The following SLC24A2 variants were observed in gnomAD, a reference collection of about 807,000 sequenced individuals.
SLC24A2 encodes the protein sodium/potassium/calcium exchanger 2.
A neutral mutation model predicts 62.0 loss-of-function variants in SLC24A2; 36 were observed. The ratio of observed to expected loss-of-function variants is 0.58; its 90% CI spans 0.44 to 0.77. The LOEUF (loss-of-function observed/expected upper bound fraction) is 0.77. Ranked by LOEUF, SLC24A2 falls within the 30% of genes least tolerant of loss-of-function variation. The pLI is 0.00. For synonymous variants in SLC24A2, 358 were observed against 294.0 expected (o/e 1.22, Z -2.23); for missense variants, 846 against 817.9 (o/e 1.03, Z -0.42).
the SLC24A2 span, among the ~76,000 whole-genome samples, chr9:20,266,624 T>C: frequency 3.9e-5 from 6 of 152,232 alleles, no homozygotes; most frequent in Admixed American, 2.0e-4. Flanking sequence ...TTATAAACAA[T>C]GGCATCCCAA....
At chr9:20,303,558 C>G in the SLC24A2 span, among the ~76,000 whole-genome samples, 1 of 152,144 alleles carries the variant, frequency 6.6e-6, no homozygotes, top group Non-Finnish European at 1.5e-5. Flanking sequence ...GCCCCCAGCC[C>G]ATACAGCCAG....
At chr9:20,183,814 G>C in the SLC24A2 span, among the ~76,000 whole-genome samples, 10 of 152,286 alleles carry the variant, frequency 6.6e-5, no homozygotes, top group African/African-American at 2.2e-4. Flanking sequence ...AGTAGCCCCA[G>C]ATTATAAGGT....
chr9:20,241,460 AT>A, the SLC24A2 span, among the ~76,000 whole-genome samples: 1 of 152,150 alleles, frequency 6.6e-6, no homozygotes, highest in East Asian at 1.9e-4. Context: ...TTTGAAGGTG[AT>A]TTTAATCCCT....
chr9:20,209,302 T>C, the SLC24A2 span, among the ~76,000 whole-genome samples: 1 of 152,338 alleles, frequency 6.6e-6, no homozygotes. Context: ...ATCACCCTGT[T>C]TTTAGTCTTC....
At position 19,636,315 on chromosome 9, in the gene SLC24A2, T is replaced by TTTCTTTCTTTCTTTCTTTC. The variant is rs1554690361; in HGVS notation, c.931-14017_931-14016insGAAAGAAAGAAAGAAAGAA. ...TTTTCTTTTCTTTTCTTTTCTTTTC[T>TTTCTTTCTTTCTTTCTTTC]TTTCTTTCTTTCTTTCTTTCTTTCT... On this transcript the variant is annotated intron_variant, in intron 2 of 10. Transcript: ENST00000341998. Among the ~76,000 whole-genome samples the TTTCTTTCTTTCTTTCTTTC allele has an allele frequency of 4.5e-4, 18 of 40,314 alleles. No individual in the cohort carries two copies. The East Asian group carries it at 6.8e-3, about 15-fold the overall frequency. 26.4% of individuals were successfully genotyped at this position (40,314 alleles called of 152,430 possible).
chr9:20,210,248 A>G, the SLC24A2 span, among the ~76,000 whole-genome samples: 3,131 of 152,288 alleles, frequency 0.021, 119 homozygotes, highest in African/African-American at 0.069. Context: ...GATGGCAGAG[A>G]AGCAGGTGGC....
At chr9:19,815,102 T>G in the SLC24A2 span, among the ~76,000 whole-genome samples, 2 of 152,152 alleles carry the variant, frequency 1.3e-5, no homozygotes, top group Non-Finnish European at 2.9e-5. Flanking sequence ...CAGAGAGAAC[T>G]TTCCTATTAA....
chr9:19,998,212 G>T, the SLC24A2 span, among the ~76,000 whole-genome samples: 1 of 152,074 alleles, frequency 6.6e-6, no homozygotes, highest in Non-Finnish European at 1.5e-5. Flanking sequence ...GACATGGCAG[G>T]GCTAGGATTC....
chr9:19,872,286 C>T, the SLC24A2 span, among the ~76,000 whole-genome samples: 1 of 152,182 alleles, frequency 6.6e-6, no homozygotes, highest in Non-Finnish European at 1.5e-5. Flanking sequence ...AGGGAGGGGA[C>T]TCAAAGCCTT....
At chr9:20,196,430 C>A in the SLC24A2 span, among the ~76,000 whole-genome samples, 4 of 152,088 alleles carry the variant, frequency 2.6e-5, no homozygotes, top group African/African-American at 7.2e-5. Context: ...TTTTGCTGGC[C>A]CAACATATGT....
chr9:19,981,431 C>T, the SLC24A2 span, among the ~76,000 whole-genome samples: 12 of 152,176 alleles, frequency 7.9e-5, no homozygotes, highest in East Asian at 1.9e-4. Flanking sequence ...TAAGCAAACA[C>T]GGCAAAGCAT....
the SLC24A2 span, among the ~76,000 whole-genome samples, chr9:19,971,488 G>A: frequency 1.3e-5 from 2 of 152,200 alleles, no homozygotes; most frequent in Non-Finnish European, 2.9e-5. Flanking sequence ...GTATGGCCAA[G>A]CCACTTCCAG....
the SLC24A2 span, among the ~76,000 whole-genome samples, chr9:19,887,251 G>C: frequency 1.3e-5 from 2 of 152,038 alleles, no homozygotes. Flanking sequence ...CTTTTTAATG[G>C]GGTTGCCTTT....
the SLC24A2 span, among the ~76,000 whole-genome samples, chr9:20,048,062 A>C: frequency 6.6e-6 from 1 of 152,146 alleles, no homozygotes; most frequent in South Asian, 2.1e-4. Flanking sequence ...GGGAAAACCC[A>C]GGATTGGGAT....
chr9:19,851,025 A>T, the SLC24A2 span, among the ~76,000 whole-genome samples: 1,202 of 53,168 alleles, frequency 0.023, 82 homozygotes, highest in East Asian at 0.048. Context: ...ATATATATAC[A>T]TATTTTTTTT....
the SLC24A2 span, among the ~76,000 whole-genome samples, chr9:20,217,668 C>T: frequency 6.6e-6 from 1 of 152,060 alleles, no homozygotes; most frequent in African/African-American, 2.4e-5. Context: ...TGAAACTGCA[C>T]TAGAGACTCC....
the SLC24A2 span, among the ~76,000 whole-genome samples, chr9:20,269,302 G>A: frequency 5.9e-5 from 9 of 152,120 alleles, no homozygotes; most frequent in Admixed American, 3.9e-4. Flanking sequence ...GTAAGAAAAG[G>A]AGACGCATCC....
the SLC24A2 span, among the ~76,000 whole-genome samples, chr9:20,240,602 T>C: frequency 6.6e-6 from 1 of 152,192 alleles, no homozygotes; most frequent in African/African-American, 2.4e-5. Flanking sequence ...TAGAACTTTT[T>C]TGAACTCTAA....
the SLC24A2 span, among the ~76,000 whole-genome samples, chr9:19,882,664 T>TAAAAAAAA: frequency 7.1e-6 from 1 of 140,880 alleles, no homozygotes. Flanking sequence ...ATCTACAGGT[T>TAAAAAAAA]AAAAAAAAAA....
Sources: gnomAD v4.1 joint callset for allele counts (sites outside exome capture counted in the v4.1 genomes callset) on GRCh38, gnomAD v4.1.1 for gene constraint, MANE v1.5 for transcripts, NCBI Gene and HGNC (gene_info 2026-07-23, HGNC 2026-07-21) for gene names.